The following CCDC7 variants were observed in gnomAD, a reference collection of about 807,000 sequenced individuals.
CCDC7 encodes the protein coiled-coil domain-containing protein 7.
In CCDC7, 183 loss-of-function variants were observed where a neutral mutation model predicts 196.9. The observed-to-expected ratio is 0.93, with a 90% CI of 0.82 to 1.05. The LOEUF (loss-of-function observed/expected upper bound fraction) is 1.05. Ranked by LOEUF, CCDC7 falls within the 50% of genes least tolerant of loss-of-function variation. CCDC7 has a pLI of 0.00. For missense variants in CCDC7, 1,540 were observed against 1,482.2 expected, an observed-to-expected ratio of 1.04 and a Z score of -0.64; for synonymous variants, 525 against 484.6, an observed-to-expected ratio of 1.08 and a Z score of -1.10.
At chr10:32,515,061 A>G (rs1472528960) in intron 9 of CCDC7, among the ~76,000 whole-genome samples, 3 of 152,152 alleles carry the variant, frequency 2.0e-5, no homozygotes, top group Non-Finnish European at 4.4e-5. Context: ...CCAGGCTTCA[A>G]GTGATCCTCC....
intron 21 of CCDC7, among the ~76,000 whole-genome samples, chr10:32,667,360 A>G (rs570591794): frequency 7.0e-4 from 106 of 150,514 alleles, no homozygotes; most frequent in Middle Eastern, 6.8e-3. Flanking sequence ...CTGTGCAGAA[A>G]CTCTTCAGTT....
At chr10:32,775,180 G>A (rs2079807699) in intron 28 of CCDC7, among the ~76,000 whole-genome samples, 1 of 152,104 alleles carries the variant, frequency 6.6e-6, no homozygotes, top group South Asian at 2.1e-4. Context: ...ATGACACTTT[G>A]GAGGAAAACC....
chr10:32,597,000 G>A (rs11527641), intron 18 of CCDC7, among the ~76,000 whole-genome samples: 13,548 of 152,030 alleles, frequency 0.089, 864 homozygotes, highest in East Asian at 0.33. Flanking sequence ...ACAATTATGC[G>A]TCTTGGGGTT....
At chr10:32,528,676 A>G (rs1158923083) in intron 11 of CCDC7, among the ~76,000 whole-genome samples, 1 of 147,460 alleles carries the variant, frequency 6.8e-6, no homozygotes, top group Non-Finnish European at 1.5e-5. Context: ...ACACATATAT[A>G]TATGCATATA....
chr10:32,630,320 G>C (rs187781964), intron 18 of CCDC7, among the ~76,000 whole-genome samples: 122 of 150,396 alleles, frequency 8.1e-4, no homozygotes, highest in African/African-American at 2.7e-3. Context: ...CCATATATAT[G>C]TGTGTGTGTA....
upstream of CCDC7, among the ~76,000 whole-genome samples, chr10:32,449,313 A>C (rs535947456): frequency 6.6e-6 from 1 of 152,078 alleles, no homozygotes; most frequent in East Asian, 1.9e-4. Flanking sequence ...CAGCCTCCCG[A>C]GTAGCTGAGA....
exon 17 of CCDC7, chr10:32,583,284 C>T (rs2058916436): frequency 1.6e-6 from 2 of 1,231,034 alleles, no homozygotes; most frequent in Admixed American, 8.4e-5. Context: ...CATTTTACCT[C>T]CTGTTCTTAC....
At chr10:32,686,181 C>A (rs975304750) in intron 22 of CCDC7, 101 bp downstream of exon 23, 1 of 589,940 alleles carries the variant, frequency 1.7e-6, no homozygotes, top group Non-Finnish European at 2.9e-6. Flanking sequence ...GAAATTTTAC[C>A]TTGAACCTAA....
At chr10:32,456,382 T>C in intron 3 of CCDC7, 48 bp downstream of exon 4, 1 of 1,393,524 alleles carries the variant, frequency 7.2e-7, no homozygotes, top group Non-Finnish European at 9.5e-7. Flanking sequence ...AAACTTGTAC[T>C]GGTTGTTGAA....
chr10:32,705,969 C>A (rs11009043), intron 24 of CCDC7, among the ~76,000 whole-genome samples: 10 of 152,000 alleles, frequency 6.6e-5, no homozygotes, highest in Admixed American at 3.3e-4. Flanking sequence ...CCAAGCGGAC[C>A]TACTGGACAT....
At chr10:32,759,006 G>A (rs2133776715) in intron 28 of CCDC7, among the ~76,000 whole-genome samples, 1 of 152,196 alleles carries the variant, frequency 6.6e-6, no homozygotes, top group Non-Finnish European at 1.5e-5. Flanking sequence ...GCTTCAAAGA[G>A]AATAAAATAC....
chr10:32,768,431 T>C (rs998295160), intron 28 of CCDC7, among the ~76,000 whole-genome samples: 8 of 152,152 alleles, frequency 5.3e-5, no homozygotes, highest in African/African-American at 1.4e-4. Flanking sequence ...GAGAAGTCTT[T>C]AGGTTTTTCT....
chr10:32,575,294 A>G (rs781158412), intron 16 of CCDC7, among the ~76,000 whole-genome samples: 5 of 152,188 alleles, frequency 3.3e-5, no homozygotes, highest in African/African-American at 4.8e-5. Context: ...TAACTAAAAG[A>G]TCTAGACTAG....
At chr10:32,794,571 T>G in intron 29 of CCDC7, among the ~76,000 whole-genome samples, 1 of 152,214 alleles carries the variant, frequency 6.6e-6, no homozygotes, top group East Asian at 1.9e-4. Context: ...CTTTTATTTT[T>G]CAACATTGCC....
At chr10:32,535,457 G>A (rs1224769945) in intron 11 of CCDC7, among the ~76,000 whole-genome samples, 1 of 152,160 alleles carries the variant, frequency 6.6e-6, no homozygotes, top group African/African-American at 2.4e-5. Flanking sequence ...AGTATACATT[G>A]GTTTCGTCAG....
intron 9 of CCDC7, among the ~76,000 whole-genome samples, chr10:32,509,439 G>A (rs766992417): frequency 6.0e-5 from 9 of 150,646 alleles, no homozygotes; most frequent in African/African-American, 7.3e-5. Context: ...AGCTGAAACC[G>A]TAAAACTCCT....
upstream of CCDC7, chr10:32,451,513 C>T: frequency 1.5e-6 from 2 of 1,315,142 alleles, no homozygotes; most frequent in Non-Finnish European, 2.0e-6. Flanking sequence ...TTGCTAAAGC[C>T]ATCAGAAAAA....
At position 32,565,540 on chromosome 10, in the gene CCDC7, C is replaced by G; in HGVS notation, c.1135-18C>G. On this transcript the variant is annotated intron_variant, in intron 13 of 41. Coordinates refer to ENST00000639629, the Ensembl canonical transcript of CCDC7. ...AATACCAAAGTAAATACCTTTTTTCCCCCTTCTTACTTCCTAGAAAGTAGC... is the reference window on the plus strand; with the variant it reads ...AATACCAAAGTAAATACCTTTTTTCGCCCTTCTTACTTCCTAGAAAGTAGC... 6.3e-7 allele frequency: 1 copy of G among 1,598,716 alleles called. No individual in the cohort carries two copies. The highest frequency in any genetic ancestry group is 2.2e-5 in the East Asian group (1 of 44,626).
chr10:32,538,096 T>C (rs1485744728), intron 11 of CCDC7, among the ~76,000 whole-genome samples: 1 of 152,250 alleles, frequency 6.6e-6, no homozygotes, highest in Non-Finnish European at 1.5e-5. Context: ...ATGACCATTT[T>C]AACAATATTG....
Sources: allele counts gnomAD v4.1 joint callset (sites outside exome capture counted in the v4.1 genomes callset), GRCh38; gene constraint gnomAD v4.1.1; transcripts MANE v1.5; gene names NCBI Gene and HGNC (gene_info 2026-07-23, HGNC 2026-07-21).